The following PALM variants were observed in gnomAD, a reference collection of about 807,000 sequenced individuals.
PALM encodes the protein paralemmin-1.
PALM carries 18 observed loss-of-function variants against 30.7 expected under a neutral mutation model. The ratio of observed to expected loss-of-function variants is 0.59; its 90% confidence interval spans 0.41 to 0.87. PALM has a LOEUF of 0.87. PALM is among the 40% of genes least tolerant of loss of function. PALM has a pLI of 0.00. For missense variants in PALM, 529 were observed against 555.4 expected, an observed-to-expected ratio of 0.95 and a Z score of 0.48; for synonymous variants, 286 against 242.8, an observed-to-expected ratio of 1.18 and a Z score of -1.66.
intron 7 of PALM, among the ~76,000 whole-genome samples, chr19:739,123 AG>A (rs1187898748): frequency 1.3e-5 from 2 of 152,132 alleles, no homozygotes; most frequent in Non-Finnish European, 2.9e-5. Flanking sequence ...TGGTTTCTGC[AG>A]GAATGATTTT....
chr19:719,633 G>A (rs890887051), intron 1 of PALM: 8 of 985,936 alleles, frequency 8.1e-6, no homozygotes, highest in Non-Finnish European at 9.6e-6. Context: ...GCCTTTGCCC[G>A]GGACTCAGCT....
chr19:731,207 G>C lies in PALM; in HGVS notation c.382G>C (p.Glu128Gln). The change falls in exon 5 of 9, where the codon GAG becomes CAG. Residue 128 changes from glutamate to glutamine, a missense_variant. Physicochemically the swap from Glu to Gln is conservative, Grantham distance 29 (BLOSUM62 2). Coordinates refer to ENST00000338448, the MANE Select transcript of PALM (RefSeq NM_002579.3). ...GGCCCCAGCCCCGAGTCCAGCCAAG[G>C]AGGAGCGCAAGACAGAGGTGGTGAT... ...VRAPAPSPAK[E>Q]ERKTEVVMNS... 1 of 1,611,648 alleles carries C rather than the reference G, an allele frequency of 6.2e-7. No individual in the cohort carries two copies. The highest frequency in any genetic ancestry group is 1.1e-5 in the South Asian group (1 of 90,730).
At chr19:729,323 C>T (rs1483763958) in intron 4 of PALM, among the ~76,000 whole-genome samples, 2 of 151,604 alleles carry the variant, frequency 1.3e-5, no homozygotes. Context: ...GAGAATCTGT[C>T]TAAAAAAGGA....
chr19:720,159 CA>C (rs1054792056), intron 1 of PALM, among the ~76,000 whole-genome samples: 3 of 151,874 alleles, frequency 2.0e-5, no homozygotes, highest in African/African-American at 4.8e-5. Context: ...CGGCCCCCCC[CA>C]ATCCCCCCAA....
rs999680934 is a variant in PALM at position 742,013 on chromosome 19, CTT to C, written c.634+1534_634+1535del. ...AGGCATGAGTCACTGCACCCGGCCT[CTT>C]TTTCTTTTATGAGATATAATTCGCA... is the stretch of plus-strand genomic sequence containing the variant. On this transcript the variant is annotated intron_variant, in intron 8 of 8. Coordinates refer to ENST00000338448, the MANE Select transcript of PALM (RefSeq NM_002579.3). The surrounding 1 kb of genome is among the most constrained non-coding windows in gnomAD (Gnocchi z 5.5). Among the ~76,000 whole-genome samples, 2 of 152,156 alleles carry C rather than the reference CTT, an allele frequency of 1.3e-5. No homozygotes were observed. Among genetic ancestry groups the C allele is most frequent in the African/African-American group, 4.8e-5 (2 of 41,436 alleles).
At chr19:720,689 T>G (rs957735231) in intron 1 of PALM, among the ~76,000 whole-genome samples, 3 of 151,702 alleles carry the variant, frequency 2.0e-5, no homozygotes, top group African/African-American at 7.3e-5. Flanking sequence ...CTGGGGCTGC[T>G]TCCCGCGCGT....
chr19:738,368 T>C (rs1275336915), intron 7 of PALM, among the ~76,000 whole-genome samples: 1 of 151,696 alleles, frequency 6.6e-6, no homozygotes, highest in Non-Finnish European at 1.5e-5. Context: ...CTAGTAAAAA[T>C]ACAAAAAATT....
chr19:738,822 C>A (rs1376138824), intron 7 of PALM, among the ~76,000 whole-genome samples: 2 of 152,178 alleles, frequency 1.3e-5, no homozygotes, highest in African/African-American at 4.8e-5. Flanking sequence ...AGGGGCCAGG[C>A]GATGGCAGGG....
At chr19:717,533 C>T (rs1010986969) in intron 1 of PALM, among the ~76,000 whole-genome samples, 1 of 152,118 alleles carries the variant, frequency 6.6e-6, no homozygotes, top group South Asian at 2.1e-4. Context: ...GGCCACATTG[C>T]GTTTACCCAC....
At chr19:730,263 A>T (rs1180964478) in intron 4 of PALM, among the ~76,000 whole-genome samples, 1 of 152,100 alleles carries the variant, frequency 6.6e-6, no homozygotes, top group Non-Finnish European at 1.5e-5. Context: ...TCTGTGTCCA[A>T]CCTGTCAGCC....
At chr19:731,309 C>T in intron 5 of PALM, 64 bp downstream of exon 5, 1 of 1,412,096 alleles carries the variant, frequency 7.1e-7, no homozygotes, top group Non-Finnish European at 9.6e-7. Context: ...CAGAGCGAGG[C>T]CCCAGCCCTT....
At chr19:743,169 CAGA>C (rs1322842071) in intron 8 of PALM, among the ~76,000 whole-genome samples, 3 of 152,168 alleles carry the variant, frequency 2.0e-5, no homozygotes, top group Non-Finnish European at 4.4e-5. Context: ...CAGATGCTGT[CAGA>C]GGGGTCCCCG....
At chr19:715,271 CA>C (rs113553057) in intron 1 of PALM, among the ~76,000 whole-genome samples, 114 of 144,066 alleles carry the variant, frequency 7.9e-4, no homozygotes, top group African/African-American at 1.6e-3. Context: ...GACTCCGTCT[CA>C]AAAAAAAAAA....
chr19:741,449 A>C (rs1297479482), intron 8 of PALM, among the ~76,000 whole-genome samples: 111 of 106,128 alleles, frequency 1.0e-3, no homozygotes, highest in Non-Finnish European at 1.5e-3. Flanking sequence ...GTGAGGGGAG[A>C]CGGGCTGCAG....
In PALM at chr19:726,995, G is replaced by GCCCCCCCCCCC; in HGVS notation, c.58-10_58-9insCCCCCCCCCCC. ...CCACGCCCATCCCTGACCCCACCCG[G>GCCCCCCCCCCC]CCCTCCCCACAGGAGAAGCGGAAGC... On this transcript the variant is annotated splice_polypyrimidine_tract_variant and intron_variant, in intron 2 of 8. Transcript: ENST00000338448. The GCCCCCCCCCCC allele has an allele frequency of 2.7e-6, 2 of 753,600 alleles. No homozygotes were observed. The highest frequency in any genetic ancestry group is 4.2e-6 in the Non-Finnish European group (2 of 479,426). 46.7% of individuals were successfully genotyped at this position (753,600 alleles called of 1,614,324 possible). A position where few individuals can be genotyped will look rare whatever the true frequency, so the allele number is the denominator to read the frequency against.
chr19:713,725 T>C (rs1195480743), intron 1 of PALM, among the ~76,000 whole-genome samples: 2 of 150,316 alleles, frequency 1.3e-5, no homozygotes. Context: ...ACTACAGGCA[T>C]GCGCCACTGC....
intron 1 of PALM, among the ~76,000 whole-genome samples, chr19:720,760 C>T (rs2032451685): frequency 6.6e-6 from 1 of 152,122 alleles, no homozygotes; most frequent in African/African-American, 2.4e-5. Flanking sequence ...CAGGCTGCCC[C>T]AGACACTACC....
intron 7 of PALM, among the ~76,000 whole-genome samples, chr19:737,313 G>C (rs1209800570): frequency 6.6e-6 from 1 of 152,252 alleles, no homozygotes; most frequent in Admixed American, 6.5e-5. Context: ...ACTTTGTGCA[G>C]TGCACAACCT....
chr19:732,850 G>A (rs113718338), intron 5 of PALM, among the ~76,000 whole-genome samples: 2 of 152,164 alleles, frequency 1.3e-5, no homozygotes, highest in African/African-American at 2.4e-5. Context: ...TGCCTCATTC[G>A]TGGGAGGGCT....
Sources: gnomAD v4.1 joint callset for allele counts (sites outside exome capture counted in the v4.1 genomes callset) on GRCh38, gnomAD v4.1.1 for gene constraint, Gnocchi (gnomAD v3.1) non-coding constraint, MANE v1.5 for transcripts, NCBI Gene and HGNC (gene_info 2026-07-23, HGNC 2026-07-21) for gene names.